MAST3: variants seen among roughly 807,000 people sequenced by gnomAD.
MAST3 encodes the protein microtubule associated serine/threonine kinase 3, also known as microtubule-associated serine/threonine-protein kinase 3.
In MAST3, 43 loss-of-function variants were observed where a neutral mutation model predicts 127.0. The ratio of observed to expected loss-of-function variants is 0.34; its 90% CI spans 0.27 to 0.44. The LOEUF (loss-of-function observed/expected upper bound fraction) is 0.44, where lower values mean the gene tolerates loss of function less well. Among genes scored for constraint, MAST3 ranks in the 20% least tolerant of loss-of-function variants. The probability of loss-of-function intolerance (pLI) is 1.00; values close to 1 mark genes in which losing one functional copy is unlikely to be tolerated. For synonymous variants in MAST3, 785 were observed against 809.2 expected (o/e 0.97, Z 0.51); for missense variants, 1,390 against 1,919.1 (o/e 0.72, Z 5.15).
chr19:18,123,634 G>A lies in MAST3; in HGVS notation c.612G>A (p.Val204=), dbSNP rs1170803621. 1 of 1,587,692 alleles carries A rather than the reference G, an allele frequency of 6.3e-7. No individual in the cohort carries two copies. Among genetic ancestry groups the A allele is most frequent in the Non-Finnish European group, 8.6e-7 (1 of 1,167,720 alleles). The stretch of plus-strand genomic sequence containing the variant: ...ATGAGATTGTCATGATGAATCACGT[G>A]TACCGGGAGAGGTTCCCCAAGGTGG... ...FDNEIVMMNH[V]YRERFPKATA... The change falls in exon 8 of 28, where the codon GTG becomes GTA. Residue 204 remains valine, a synonymous_variant. Coordinates refer to ENST00000687212, the MANE Select transcript of MAST3 (RefSeq NM_001393504.1).
chr19:18,100,285 C>G (rs545849258), intron 1 of MAST3, among the ~76,000 whole-genome samples: 30 of 152,036 alleles, frequency 2.0e-4, no homozygotes, highest in African/African-American at 7.2e-4. Flanking sequence ...GTCACCACGC[C>G]CGGCTAATTT....
In MAST3 at chr19:18,110,628, C is replaced by G. The variant is rs1448910389; in HGVS notation, c.72-24C>G. On this transcript the variant is annotated intron_variant, in intron 2 of 27. Transcript: ENST00000687212. This position sits in a 1 kb window ranked among gnomAD's most constrained non-coding sequence, Gnocchi z 4.3. ...ACGAAGGGGCGGCCGCCAGGTTCAC[C>G]GTCCCCGGCCTCTTTCTTTGCAGTC... is the stretch of plus-strand genomic sequence containing the variant. The G allele has an allele frequency of 1.0e-6, 1 of 976,720 alleles. No individual in the cohort carries two copies. The highest frequency in any genetic ancestry group is 1.2e-6 in the Non-Finnish European group (1 of 821,790). 60.5% of individuals were successfully genotyped at this position (976,720 alleles called of 1,614,324 possible). A position where few individuals can be genotyped will look rare whatever the true frequency, so the allele number is the denominator to read the frequency against.
In MAST3 at chr19:18,144,585, G is replaced by A; in HGVS notation, c.2704G>A (p.Ala902Thr). ...CCGCCTTGGGGGCCCAAGAGACCCAGCCCCTGAGAAGTCCAGAGCCTCCTC... is the reference window on the plus strand; with the variant it reads ...CCGCCTTGGGGGCCCAAGAGACCCAACCCCTGAGAAGTCCAGAGCCTCCTC... ...GRRLGGPRDP[A>T]PEKSRASSSG... Residue 902 changes from alanine (A) to threonine (T), a missense_variant, in exon 23 of 28, where the codon GCC (alanine) becomes ACC (threonine). Physicochemically the swap from Ala to Thr is moderately conservative, Grantham distance 58. Transcript: ENST00000687212. The surrounding 1 kb of genome is among the most constrained non-coding windows in gnomAD (Gnocchi z 4.0). The A allele has an allele frequency of 2.5e-6, 4 of 1,610,894 alleles. No individual in the cohort carries two copies. The highest frequency in any genetic ancestry group is 3.4e-6 in the Non-Finnish European group (4 of 1,179,332).
intron 14 of MAST3, among the ~76,000 whole-genome samples, chr19:18,131,688 ACT>A (rs1299375107): frequency 1.3e-5 from 2 of 151,774 alleles, no homozygotes; most frequent in Admixed American, 6.6e-5. Flanking sequence ...ACAGAGCGAG[ACT>A]CTCTCTCAAA....
intron 20 of MAST3, among the ~76,000 whole-genome samples, chr19:18,139,755 C>A (rs959065226): frequency 6.6e-6 from 1 of 152,180 alleles, no homozygotes; most frequent in Non-Finnish European, 1.5e-5. Flanking sequence ...GCCATCGCAC[C>A]CGGCCTTGTA....
rs758151486 is a variant in MAST3 at position 18,149,811 on chromosome 19, C to G, written c.*85C>G. Reference sequence around the variant, plus strand: ...CCGTAAAGTCATGCCTGGATGGGGACTGAGCCACCAGCCTGACACCCAGAA... The same window carrying G: ...CCGTAAAGTCATGCCTGGATGGGGAGTGAGCCACCAGCCTGACACCCAGAA... On this transcript the variant is annotated 3_prime_UTR_variant, in exon 28 of 28. Coordinates refer to ENST00000687212, the MANE Select transcript of MAST3 (RefSeq NM_001393504.1). This position sits in a 1 kb window ranked among gnomAD's most constrained non-coding sequence, Gnocchi z 5.9. 423 of 1,560,206 alleles carry G rather than the reference C, an allele frequency of 2.7e-4. No individual in the cohort carries two copies. The highest frequency in any genetic ancestry group is 3.4e-4 in the Non-Finnish European group (391 of 1,158,200).
Position 18,123,981 on chromosome 19 carries a change from GCCTACGCGC to G in MAST3, c.679_687del (p.Tyr227_Pro229del). On this transcript the variant is annotated inframe_deletion, in exon 9 of 28. Coordinates refer to ENST00000687212, the MANE Select transcript of MAST3 (RefSeq NM_001393504.1). ...GGGCCGTCTGCAGGAGTTCCTGACG[GCCTACGCGC>G]CCGGCGCCCGGCTGGCGCTGGCTGA... 1 of 1,586,048 alleles carries G rather than the reference GCCTACGCGC, an allele frequency of 6.3e-7. No individual in the cohort carries two copies.
chr19:18,149,316 A>G lies in MAST3; in HGVS notation c.3634A>G (p.Lys1212Glu). The change falls in exon 28 of 28, where the codon AAG becomes GAG. Residue 1212 changes from lysine (K) to glutamate (E), a missense_variant. By Grantham distance (56) the Lys-to-Glu change is moderately conservative (BLOSUM62 1). Coordinates refer to ENST00000687212, the MANE Select transcript of MAST3 (RefSeq NM_001393504.1). This position sits in a 1 kb window ranked among gnomAD's most constrained non-coding sequence, Gnocchi z 5.9. ...TGCCAAGCTTGGGCCACCCCGCCCC[A>G]AGACTGGCCGCCGCAAGTCCACCAG... ...LAAKLGPPRP[K>E]TGRRKSTSSI... 1 of 1,523,540 alleles carries G rather than the reference A, an allele frequency of 6.6e-7. No individual in the cohort carries two copies. The highest frequency in any genetic ancestry group is 1.2e-5 in the South Asian group (1 of 81,344). 94.4% of individuals were successfully genotyped at this position (1,523,540 alleles called of 1,614,324 possible).
In MAST3 at chr19:18,110,290, C is replaced by G. The variant is rs993929494; in HGVS notation, c.72-362C>G. On this transcript the variant is annotated intron_variant, in intron 2 of 27. Transcript: ENST00000687212. The surrounding 1 kb of genome is among the most constrained non-coding windows in gnomAD (Gnocchi z 4.3). ...GGGCCAACAAGGGGGCGTCGGTACC[C>G]CGCCGCACAGAGGCGGCCTCTGCCT... 1 of 985,512 alleles carries G rather than the reference C, an allele frequency of 1.0e-6. No homozygotes were observed. Among genetic ancestry groups the G allele is most frequent in the Non-Finnish European group, 1.2e-6 (1 of 830,062 alleles). The allele number at this position is 985,512 out of a possible 1,614,324, so 61.0% of individuals were successfully genotyped here. A position where few individuals can be genotyped will look rare whatever the true frequency, so the allele number is the denominator to read the frequency against.
rs895716927 is a variant in MAST3, at chr19:18,145,101, C to T, written c.2911C>T (p.Pro971Ser). 8 of 1,613,754 alleles carry T rather than the reference C, an allele frequency of 5.0e-6. No homozygotes were observed. The highest frequency in any genetic ancestry group is 5.9e-6 in the Non-Finnish European group (7 of 1,179,878). Residue 971 changes from proline to serine, a missense_variant, in exon 24 of 28, where the codon CCC becomes TCC. Around this residue, in one of 5 missense-constraint regions of MAST3, gnomAD observed 816 missense variants for 934.1 expected, o/e 0.87. Transcript: ENST00000687212. This position sits in a 1 kb window ranked among gnomAD's most constrained non-coding sequence, Gnocchi z 5.9. ...RDSSPSRDPS[P>S]VCGSLRPPIV... ...CTCTTCGCCGAGCCGAGACCCGTCC[C>T]CCGTGTGTGGCAGCCTGCGGCCCCC...
Position 18,121,894 on chromosome 19 carries a change from T to C in MAST3, c.292T>C (p.Ser98Pro). ...TAGTCCTCGGAATTTCTCGGCTGCC[T>C]CTGCCCTAAATTTCCCCTTTGCCCG... ...LDSPRNFSAA[S>P]ALNFPFARRA... The change falls in exon 5 of 28, where the codon TCT (serine) becomes CCT (proline). Residue 98 changes from serine to proline, a missense_variant. Coordinates refer to ENST00000687212, the MANE Select transcript of MAST3 (RefSeq NM_001393504.1). 2 of 1,614,046 alleles carry C rather than the reference T, an allele frequency of 1.2e-6. No individual in the cohort carries two copies. The highest frequency in any genetic ancestry group is 1.1e-5 in the South Asian group (1 of 91,090).
chr19:18,100,731 G>A (rs556894260), intron 1 of MAST3, among the ~76,000 whole-genome samples: 1 of 152,294 alleles, frequency 6.6e-6, no homozygotes, highest in East Asian at 1.9e-4. Flanking sequence ...TGAAGGTGTT[G>A]TCTTCATCAG....
chr19:18,119,694 G>T (rs185059124), intron 3 of MAST3, among the ~76,000 whole-genome samples: 1 of 152,228 alleles, frequency 6.6e-6, no homozygotes, highest in African/African-American at 2.4e-5. Context: ...ACTGGATGTG[G>T]TAGGTTTCAT....
chr19:18,149,697 G>A lies in MAST3; in HGVS notation c.4015G>A (p.Val1339Ile). ...CGTGGAGGGCGAGGAAGCCGTGCCA[G>A]TAGCTCTCGGGCCCACCGGAAGAGA... Reference protein sequence around the residue: ...IAVEGEEAVPVALGPTGRD With the variant: ...IAVEGEEAVPIALGPTGRD The change falls in exon 28 of 28, where the codon GTA (valine) becomes ATA (isoleucine). Residue 1339 changes from valine (V) to isoleucine (I), a missense_variant. Coordinates refer to ENST00000687212, the MANE Select transcript of MAST3 (RefSeq NM_001393504.1). This position sits in a 1 kb window ranked among gnomAD's most constrained non-coding sequence, Gnocchi z 5.9. The A allele has an allele frequency of 6.2e-7, 1 of 1,613,000 alleles. No homozygotes were observed. The highest frequency in any genetic ancestry group is 8.5e-7 in the Non-Finnish European group (1 of 1,179,850).
At chr19:18,147,099 C>CTTTTTTTT (rs147946466) in intron 26 of MAST3, 55 bp downstream of exon 26, 9 of 894,050 alleles carry the variant, frequency 1.0e-5, no homozygotes, top group South Asian at 2.2e-5. Flanking sequence ...TTTCTTTTTC[C>CTTTTTTTT]TTTTTTTTTT....
chr19:18,107,482 G>A, intron 1 of MAST3, 105 bp from the exon 2 acceptor site: 1 of 1,113,944 alleles, frequency 9.0e-7, no homozygotes, highest in East Asian at 2.4e-5. Flanking sequence ...CGGGAAAGAT[G>A]CATTGGTTGG....
intron 3 of MAST3, among the ~76,000 whole-genome samples, chr19:18,121,096 T>G (rs562036736): frequency 6.6e-6 from 1 of 152,246 alleles, no homozygotes; most frequent in Non-Finnish European, 1.5e-5. Flanking sequence ...CCTCAGGTGA[T>G]CCGCATGCCT....
intron 1 of MAST3, among the ~76,000 whole-genome samples, chr19:18,099,416 G>A (rs1328710377): frequency 2.0e-5 from 3 of 151,730 alleles, no homozygotes; most frequent in South Asian, 2.1e-4. Context: ...ATGCCAACCC[G>A]CCCGCAGCCT....
intron 6 of MAST3, among the ~76,000 whole-genome samples, 198 bp downstream of exon 6, chr19:18,122,949 T>C (rs552023614): frequency 6.6e-6 from 1 of 152,342 alleles, no homozygotes; most frequent in South Asian, 2.1e-4. Context: ...TAGTCCCTGG[T>C]TGGGGAGATA....
Sources: allele counts gnomAD v4.1 joint callset (sites outside exome capture counted in the v4.1 genomes callset), GRCh38; gene constraint gnomAD v4.1.1; regional missense constraint gnomAD v4.1.1; non-coding constraint Gnocchi (gnomAD v3.1); transcripts MANE v1.5; gene names NCBI Gene and HGNC (gene_info 2026-07-23, HGNC 2026-07-21).